FAM174A: variants seen among roughly 807,000 people sequenced by gnomAD.
FAM174A encodes the protein family with sequence similarity 174 member A, also known as membrane protein FAM174A.
A neutral mutation model predicts 14.3 loss-of-function variants in FAM174A; 14 were observed. That is an observed-to-expected ratio of 0.98 (90% confidence interval 0.65 to 1.53). The LOEUF (loss-of-function observed/expected upper bound fraction) is 1.53. FAM174A is among the 40% of genes most tolerant of loss of function. The pLI is 0.00. For synonymous variants in FAM174A, 108 were observed against 111.4 expected, an observed-to-expected ratio of 0.97 and a Z score of 0.19; for missense variants, 241 against 249.6, an observed-to-expected ratio of 0.97 and a Z score of 0.23.
intron 2 of FAM174A, among the ~76,000 whole-genome samples, chr5:100,569,881 A>G (rs181197110): frequency 6.6e-6 from 1 of 151,968 alleles, no homozygotes; most frequent in Admixed American, 6.6e-5. Flanking sequence ...AAGGAGTCTT[A>G]GATATGGAGT....
At chr5:100,585,907 G>T (rs1747116988) in intron 2 of FAM174A, among the ~76,000 whole-genome samples, 1 of 152,096 alleles carries the variant, frequency 6.6e-6, no homozygotes, top group South Asian at 2.1e-4. Context: ...AATATTATAT[G>T]AGGATAAACT....
At chr5:100,570,565 G>T (rs1746758996) in intron 2 of FAM174A, among the ~76,000 whole-genome samples, 1 of 151,824 alleles carries the variant, frequency 6.6e-6, no homozygotes. Flanking sequence ...CATTGAAATA[G>T]GAACTTGACC....
chr5:100,551,826 G>C (rs1345695346), intron 1 of FAM174A, among the ~76,000 whole-genome samples: 1 of 152,104 alleles, frequency 6.6e-6, no homozygotes, highest in Non-Finnish European at 1.5e-5. Flanking sequence ...CGTTCTGCCT[G>C]TGTGCGTGTC....
intron 1 of FAM174A, among the ~76,000 whole-genome samples, chr5:100,557,224 A>G (rs541731450): frequency 8.6e-6 from 1 of 115,686 alleles, no homozygotes; most frequent in South Asian, 2.3e-4. Context: ...TCATTGGTAC[A>G]TGTTGGATTA....
chr5:100,555,753 C>G (rs1746364159), intron 1 of FAM174A, among the ~76,000 whole-genome samples: 1 of 152,072 alleles, frequency 6.6e-6, no homozygotes, highest in Non-Finnish European at 1.5e-5. Context: ...CTGTTCATAT[C>G]ATTTGCCCAG....
At chr5:100,564,503 C>T (rs1013542949) in intron 2 of FAM174A, among the ~76,000 whole-genome samples, 4 of 151,434 alleles carry the variant, frequency 2.6e-5, no homozygotes, top group African/African-American at 9.7e-5. Flanking sequence ...AAGCCTAAGC[C>T]TAAAATTAGC....
chr5:100,566,020 A>G (rs1043009042), intron 2 of FAM174A, among the ~76,000 whole-genome samples: 2 of 151,120 alleles, frequency 1.3e-5, no homozygotes, highest in South Asian at 4.1e-4. Flanking sequence ...CCTGTGTTTC[A>G]ATTACCTCCC....
chr5:100,541,542 A>G (rs1026004993), intron 1 of FAM174A, among the ~76,000 whole-genome samples: 2 of 152,070 alleles, frequency 1.3e-5, no homozygotes, highest in Non-Finnish European at 2.9e-5. Context: ...AAAGGGGTCC[A>G]TTTAAGAATG....
At position 100,562,175 on chromosome 5, in the gene FAM174A, A is replaced by G. The variant is rs752472637; in HGVS notation, c.556A>G (p.Asn186Asp). The change falls in exon 2 of 3, where the codon AAT becomes GAT. Residue 186 changes from asparagine to aspartate, a missense_variant. Coordinates refer to ENST00000312637, the MANE Select transcript of FAM174A (RefSeq NM_198507.3). ...EDDDNTLFDA[N>D]HPRR Reference sequence around the variant, plus strand: ...TGATGACAACACGTTGTTTGATGCCAATCATCCTCGAAGGTAAGTATTCCA... The same window carrying G: ...TGATGACAACACGTTGTTTGATGCCGATCATCCTCGAAGGTAAGTATTCCA... 4 of 1,577,820 alleles carry G rather than the reference A, an allele frequency of 2.5e-6. No individual in the cohort carries two copies. Among genetic ancestry groups the G allele is most frequent in the Admixed American group, 3.8e-5 (2 of 52,758 alleles).
chr5:100,574,161 G>T (rs376883310), intron 2 of FAM174A, among the ~76,000 whole-genome samples: 1 of 150,858 alleles, frequency 6.6e-6, no homozygotes, highest in Non-Finnish European at 1.5e-5. Flanking sequence ...ATACAGTTCC[G>T]CAGATTTCCA....
At chr5:100,550,381 G>A (rs1045030029) in intron 1 of FAM174A, among the ~76,000 whole-genome samples, 36 of 152,050 alleles carry the variant, frequency 2.4e-4, no homozygotes, top group Admixed American at 6.6e-5. Flanking sequence ...TGGAAATGAT[G>A]TTCTTTCAGG....
At chr5:100,563,118 C>T (rs2112387058) in intron 2 of FAM174A, among the ~76,000 whole-genome samples, 1 of 151,846 alleles carries the variant, frequency 6.6e-6, no homozygotes, top group South Asian at 2.1e-4. Context: ...TATATATATG[C>T]ACACACACAA....
chr5:100,535,375 G>GCTGCCACTGCTGTAGCTT lies in FAM174A; in HGVS notation c.-148_-131dup, dbSNP rs1745915740. 4 of 748,394 alleles carry GCTGCCACTGCTGTAGCTT rather than the reference G, an allele frequency of 5.3e-6. No homozygotes were observed. 46.4% of individuals were successfully genotyped at this position (748,394 alleles called of 1,614,324 possible). ...GTACGAACTTCCGGTTCTCCGGGCA[G>GCTGCCACTGCTGTAGCTT]CTGCCACTGCTGTAGCTTCTGCCAC... On this transcript the variant is annotated 5_prime_UTR_variant, in exon 1 of 3. Transcript: ENST00000312637.
intron 2 of FAM174A, among the ~76,000 whole-genome samples, chr5:100,564,361 T>G (rs553111379): frequency 1.6e-4 from 25 of 151,654 alleles, no homozygotes; most frequent in African/African-American, 6.0e-4. Context: ...ATAACAAAAC[T>G]TATGGGATGC....
At chr5:100,568,639 A>G (rs1746713474) in intron 2 of FAM174A, among the ~76,000 whole-genome samples, 1 of 148,908 alleles carries the variant, frequency 6.7e-6, no homozygotes, top group Admixed American at 6.8e-5. Flanking sequence ...TGGCTTCAAT[A>G]CTTTTACTAA....
intron 1 of FAM174A, among the ~76,000 whole-genome samples, chr5:100,556,073 T>C (rs903668971): frequency 6.6e-6 from 1 of 152,250 alleles, no homozygotes; most frequent in African/African-American, 2.4e-5. Flanking sequence ...TTTATGGTTT[T>C]AGGTCTAACA....
intron 2 of FAM174A, among the ~76,000 whole-genome samples, chr5:100,576,252 T>G (rs1746901862): frequency 6.6e-6 from 1 of 151,960 alleles, no homozygotes; most frequent in Non-Finnish European, 1.5e-5. Context: ...AAAGGAAGTG[T>G]TTTTTTTCAT....
chr5:100,557,915 G>A (rs893797808), intron 1 of FAM174A, among the ~76,000 whole-genome samples: 1 of 151,878 alleles, frequency 6.6e-6, no homozygotes, highest in African/African-American at 2.4e-5. Flanking sequence ...TTTTTTGAAG[G>A]GTTTTTTATG....
At chr5:100,550,561 GGTGA>G (rs1434022749) in intron 1 of FAM174A, among the ~76,000 whole-genome samples, 2 of 152,194 alleles carry the variant, frequency 1.3e-5, no homozygotes, top group African/African-American at 2.4e-5. Context: ...TGGCTACTGT[GGTGA>G]GTAAGAACAG....
Sources: allele counts gnomAD v4.1 joint callset (sites outside exome capture counted in the v4.1 genomes callset), GRCh38; gene constraint gnomAD v4.1.1; transcripts MANE v1.5; gene names NCBI Gene and HGNC (gene_info 2026-07-23, HGNC 2026-07-21).